Variants in MEIS1 observed in about 807,000 individuals in gnomAD.
MEIS1 encodes the protein Meis homeobox 1.
In MEIS1, 5 loss-of-function variants were observed where a neutral mutation model predicts 50.8. The observed-to-expected ratio is 0.10, with a 90% CI of 0.05 to 0.21. The LOEUF (loss-of-function observed/expected upper bound fraction) is 0.21. Ranked by LOEUF, MEIS1 falls within the 10% of genes least tolerant of loss-of-function variation. The probability of loss-of-function intolerance (pLI) is 1.00; values close to 1 mark genes in which losing one functional copy is unlikely to be tolerated. For synonymous variants in MEIS1, 176 were observed against 179.3 expected (o/e 0.98, Z 0.15); for missense variants, 318 against 517.3 (o/e 0.61, Z 3.74).
At chr2:66,441,133 T>C (rs2103684694) in intron 4 of MEIS1, 1 of 418,342 alleles carries the variant, frequency 2.4e-6, no homozygotes, top group Non-Finnish European at 4.2e-6. Context: ...TGGGGTGGGG[T>C]GGGGCCAGTG....
chr2:66,454,416 G>GTA (rs1672341134), intron 6 of MEIS1, among the ~76,000 whole-genome samples: 1 of 152,140 alleles, frequency 6.6e-6, no homozygotes, highest in East Asian at 1.9e-4. Context: ...TACTGAGATA[G>GTA]TATAGTGAAT....
At chr2:66,489,692 G>A (rs1201780274) in intron 7 of MEIS1, among the ~76,000 whole-genome samples, 1 of 152,102 alleles carries the variant, frequency 6.6e-6, no homozygotes, top group African/African-American at 2.4e-5. Flanking sequence ...ATGCTATCCT[G>A]GTGATAATAT....
intron 7 of MEIS1, among the ~76,000 whole-genome samples, chr2:66,511,910 C>A (rs541316275): frequency 2.3e-4 from 35 of 152,310 alleles, no homozygotes; most frequent in African/African-American, 6.3e-4. Flanking sequence ...TATTTCCCTC[C>A]ATTCCCTTTG....
chr2:66,516,461 G>GGGACAAACT (rs1673972067), intron 8 of MEIS1, among the ~76,000 whole-genome samples: 1 of 152,106 alleles, frequency 6.6e-6, no homozygotes, highest in Non-Finnish European at 1.5e-5. Context: ...CCTTACTACA[G>GGGACAAACT]GGACAAACTT....
chr2:66,478,507 G>A (rs1672944810), intron 7 of MEIS1, among the ~76,000 whole-genome samples: 1 of 152,226 alleles, frequency 6.6e-6, no homozygotes, highest in Non-Finnish European at 1.5e-5. Flanking sequence ...ATGGAGCCAT[G>A]TGCTGCCCAG....
intron 9 of MEIS1, among the ~76,000 whole-genome samples, chr2:66,566,440 C>A (rs890643234): frequency 1.3e-5 from 2 of 151,936 alleles, no homozygotes; most frequent in Non-Finnish European, 2.9e-5. Context: ...TTTTTTATGT[C>A]CTGCTCAGAT....
At chr2:66,475,176 T>G (rs1266202706) in intron 7 of MEIS1, among the ~76,000 whole-genome samples, 1 of 138,500 alleles carries the variant, frequency 7.2e-6, no homozygotes, top group Non-Finnish European at 1.5e-5. Flanking sequence ...ATATCATTTA[T>G]AAATATAAAA....
chr2:66,509,470 A>G lies in MEIS1; in HGVS notation c.743-2679A>G, dbSNP rs547926873. Among the ~76,000 whole-genome samples the G allele has an allele frequency of 4.6e-5, 7 of 152,380 alleles. No individual in the cohort carries two copies. In the East Asian group the frequency reaches 1.2e-3, roughly 25 times the overall value. On this transcript the variant is annotated intron_variant, in intron 7 of 12. Coordinates refer to ENST00000272369, the MANE Select transcript of MEIS1 (RefSeq NM_002398.3). Reference sequence around the variant, plus strand: ...GTAGCTGTATTTGCCTAAAAACAGTAGGAAGAACAAACTGTGCATTAAGCC... The same window carrying G: ...GTAGCTGTATTTGCCTAAAAACAGTGGGAAGAACAAACTGTGCATTAAGCC...
chr2:66,543,948 T>C (rs1001992794), intron 8 of MEIS1, among the ~76,000 whole-genome samples: 1 of 152,246 alleles, frequency 6.6e-6, no homozygotes, highest in East Asian at 1.9e-4. Context: ...ATCTGGGAAG[T>C]GCCATCCATC....
intron 7 of MEIS1, among the ~76,000 whole-genome samples, chr2:66,482,650 G>A (rs760476906): frequency 3.3e-5 from 5 of 152,188 alleles, no homozygotes; most frequent in African/African-American, 4.8e-5. Flanking sequence ...AGACCCTTCT[G>A]TATAGAGGGC....
At chr2:66,463,223 C>T (rs1210295138) in intron 6 of MEIS1, among the ~76,000 whole-genome samples, 1 of 151,404 alleles carries the variant, frequency 6.6e-6, no homozygotes, top group Non-Finnish European at 1.5e-5. Flanking sequence ...TGTTTTCCCA[C>T]TAATAATCTT....
chr2:66,440,514 C>A, intron 3 of MEIS1, 48 bp from the exon 4 acceptor site: 1 of 1,541,678 alleles, frequency 6.5e-7, no homozygotes, highest in Non-Finnish European at 8.9e-7. Context: ...ATTTTTCTTT[C>A]TTTTTTCTCT....
rs557881957 is a variant in MEIS1, at chr2:66,440,050, C to A, written c.381+66C>A. ...AGAGCCCCCCCTTCGCCAACACACA[C>A]GCGCGCGCGCGCGCGCGAACACACA... On this transcript the variant is annotated intron_variant, in intron 3 of 12. Coordinates refer to ENST00000272369, the MANE Select transcript of MEIS1 (RefSeq NM_002398.3). 1.2e-4 allele frequency: 150 copies of A among 1,222,220 alleles called. No homozygotes were observed. The African/African-American group carries it at 2.5e-3, about 21-fold the overall frequency. The allele number at this position is 1,222,220 out of a possible 1,614,324, so 75.7% of individuals were successfully genotyped here. A position where few individuals can be genotyped will look rare whatever the true frequency, so the allele number is the denominator to read the frequency against.
intron 7 of MEIS1, among the ~76,000 whole-genome samples, chr2:66,492,248 C>T (rs575417301): frequency 2.6e-5 from 4 of 151,816 alleles, no homozygotes; most frequent in South Asian, 2.1e-4. Flanking sequence ...TGAACCTTTC[C>T]GTCTGTGTGA....
chr2:66,480,093 A>G (rs187920806), intron 7 of MEIS1, among the ~76,000 whole-genome samples: 12 of 152,360 alleles, frequency 7.9e-5, no homozygotes, highest in African/African-American at 2.9e-4. Context: ...ATGATTAGAT[A>G]TGCATGCAGG....
intron 12 of MEIS1, chr2:66,570,090 T>A (rs1675446972): frequency 6.6e-6 from 1 of 152,220 alleles, no homozygotes; most frequent in African/African-American, 2.4e-5. Context: ...CTTGCTTGTG[T>A]CTCTGATTAT....
chr2:66,568,897 A>T, intron 11 of MEIS1, 141 bp downstream of exon 11: 1 of 1,068,692 alleles, frequency 9.4e-7, no homozygotes, highest in Middle Eastern at 2.0e-4. Context: ...TGCATCTAAG[A>T]TATTGCAGAG....
rs908617432 is a variant in MEIS1 at position 66,568,716 on chromosome 2, C to T, written c.1074C>T (p.Phe358=). 14 of 1,613,600 alleles carry T rather than the reference C, an allele frequency of 8.7e-6. No homozygotes were observed. Among genetic ancestry groups the T allele is most frequent in the African/African-American group, 5.3e-5 (4 of 74,900 alleles). The change falls in exon 11 of 13, where the codon TTC becomes TTT. Residue 358 remains phenylalanine, a synonymous_variant. Transcript: ENST00000272369. ...CTGATGGACAGCCCATGGGAGGTTT[C>T]GTAATGGACGGTCAGCAACATATGG... is the stretch of plus-strand genomic sequence containing the variant. ...YNPDGQPMGG[F]VMDGQQHMGI...
chr2:66,566,040 T>C (rs1675339088), intron 9 of MEIS1, among the ~76,000 whole-genome samples: 1 of 152,182 alleles, frequency 6.6e-6, no homozygotes, highest in Non-Finnish European at 1.5e-5. Flanking sequence ...TACAAGATAA[T>C]GATAACCTGA....
Sources: allele counts gnomAD v4.1 joint callset (sites outside exome capture counted in the v4.1 genomes callset), GRCh38; gene constraint gnomAD v4.1.1; transcripts MANE v1.5; gene names NCBI Gene and HGNC (gene_info 2026-07-23, HGNC 2026-07-21).